Variants in GTF2F2 observed in about 807,000 individuals in gnomAD.
GTF2F2 encodes ATP-dependent helicase GTF2F2.
A neutral mutation model predicts 42.2 loss-of-function variants in GTF2F2; 23 were observed. That is an observed-to-expected ratio of 0.55 (90% CI 0.39 to 0.77). The LOEUF is 0.77. Among genes scored for constraint, GTF2F2 ranks in the 30% least tolerant of loss-of-function variants. The pLI, the probability that GTF2F2 is intolerant of heterozygous loss-of-function variation, is 0.00. For synonymous variants in GTF2F2, 105 were observed against 100.8 expected, an observed-to-expected ratio of 1.04 and a Z score of -0.25; for missense variants, 261 against 287.2, an observed-to-expected ratio of 0.91 and a Z score of 0.66.
chr13:45,210,894 G>A (rs1263940768), intron 5 of GTF2F2, among the ~76,000 whole-genome samples: 1 of 152,220 alleles, frequency 6.6e-6, no homozygotes, highest in Non-Finnish European at 1.5e-5. Flanking sequence ...GAAGCTGGGA[G>A]ATAAGCTTGA....
chr13:45,172,545 GATATA>G (rs1235085574), intron 4 of GTF2F2, among the ~76,000 whole-genome samples: 1 of 151,976 alleles, frequency 6.6e-6, no homozygotes, highest in African/African-American at 2.4e-5. Flanking sequence ...TTTTAATTTT[GATATA>G]ATCTAATGTC....
intron 4 of GTF2F2, 59 bp from the exon 5 acceptor site, chr13:45,207,365 A>G (rs1213249715): frequency 3.1e-5 from 32 of 1,017,924 alleles, no homozygotes; most frequent in Admixed American, 1.9e-5. Flanking sequence ...TAGTGTGTCA[A>G]AATACAGTCT....
At chr13:45,123,251 G>C (rs1314191384) in intron 1 of GTF2F2, 1 of 152,304 alleles carries the variant, frequency 6.6e-6, no homozygotes, top group South Asian at 2.1e-4. Context: ...ATGACCATCC[G>C]GATAGAGGAG....
intron 5 of GTF2F2, among the ~76,000 whole-genome samples, chr13:45,249,924 C>G (rs950146013): frequency 4.6e-5 from 7 of 152,040 alleles, no homozygotes; most frequent in Admixed American, 6.6e-5. Context: ...TTAGCTGTCC[C>G]GACACTTTGT....
At chr13:45,159,976 C>T (rs951116044) in intron 4 of GTF2F2, among the ~76,000 whole-genome samples, 11 of 152,144 alleles carry the variant, frequency 7.2e-5, no homozygotes, top group Non-Finnish European at 1.5e-4. Flanking sequence ...ACATGAATTA[C>T]ACTCTGTTTC....
chr13:45,122,745 T>C (rs1041550908), intron 1 of GTF2F2, among the ~76,000 whole-genome samples: 3 of 152,244 alleles, frequency 2.0e-5, no homozygotes, highest in African/African-American at 7.2e-5. Flanking sequence ...AAGTTTTTTC[T>C]CCTTACATTA....
intron 4 of GTF2F2, among the ~76,000 whole-genome samples, chr13:45,167,880 C>G (rs1871371880): frequency 6.6e-6 from 1 of 152,086 alleles, no homozygotes; most frequent in African/African-American, 2.4e-5. Flanking sequence ...CTAAAAGAAC[C>G]TTTCTTGAGA....
chr13:45,190,805 G>A (rs1872584894), intron 4 of GTF2F2, among the ~76,000 whole-genome samples: 1 of 151,574 alleles, frequency 6.6e-6, no homozygotes, highest in South Asian at 2.1e-4. Flanking sequence ...AGGCTGGAGT[G>A]CAGTGGTGCG....
intron 5 of GTF2F2, among the ~76,000 whole-genome samples, chr13:45,221,927 C>G (rs1874137587): frequency 6.6e-6 from 1 of 152,116 alleles, no homozygotes; most frequent in Admixed American, 6.5e-5. Context: ...ACATATCTTT[C>G]ATCAGATCTT....
intron 4 of GTF2F2, among the ~76,000 whole-genome samples, chr13:45,180,469 TCCTC>T (rs1221025962): frequency 6.6e-6 from 1 of 152,182 alleles, no homozygotes; most frequent in Non-Finnish European, 1.5e-5. Context: ...TAATATATCT[TCCTC>T]AAAGCAAAGT....
At chr13:45,234,392 A>T (rs773236545) in intron 5 of GTF2F2, among the ~76,000 whole-genome samples, 1 of 152,174 alleles carries the variant, frequency 6.6e-6, no homozygotes, top group Non-Finnish European at 1.5e-5. Context: ...ATCATCAACT[A>T]TTTTCACAAG....
chr13:45,136,075 A>C (rs1322811747), intron 1 of GTF2F2, among the ~76,000 whole-genome samples: 1 of 152,254 alleles, frequency 6.6e-6, no homozygotes, highest in South Asian at 2.1e-4. Flanking sequence ...GCCTGGGTTC[A>C]AATCCTGTCT....
chr13:45,255,166 CAAAAAA>C (rs55795620), intron 6 of GTF2F2, among the ~76,000 whole-genome samples: 7 of 76,092 alleles, frequency 9.2e-5, no homozygotes, highest in Non-Finnish European at 8.1e-5. Flanking sequence ...GACTTTGTCT[CAAAAAA>C]AAAAAAAAAA....
intron 4 of GTF2F2, among the ~76,000 whole-genome samples, chr13:45,155,604 T>C (rs1870718551): frequency 6.6e-6 from 1 of 152,220 alleles, no homozygotes; most frequent in Non-Finnish European, 1.5e-5. Context: ...GTTTTCTCAT[T>C]AATTAAAATA....
chr13:45,259,833 A>G (rs1984423), intron 6 of GTF2F2, among the ~76,000 whole-genome samples: 55,094 of 151,464 alleles, frequency 0.36, 13,879 homozygotes, highest in African/African-American at 0.71. Context: ...AATGTGATCC[A>G]CCCATCTCGG....
At chr13:45,237,203 T>G (rs1350760239) in intron 5 of GTF2F2, among the ~76,000 whole-genome samples, 3 of 152,328 alleles carry the variant, frequency 2.0e-5, no homozygotes, top group African/African-American at 7.2e-5. Context: ...AAATTATAAT[T>G]GATTATAATT....
intron 4 of GTF2F2, among the ~76,000 whole-genome samples, chr13:45,180,938 G>A (rs774546467): frequency 4.0e-5 from 6 of 151,396 alleles, no homozygotes; most frequent in Non-Finnish European, 8.8e-5. Context: ...AAAGCAGGAG[G>A]ATCACTTGAG....
intron 4 of GTF2F2, among the ~76,000 whole-genome samples, chr13:45,168,797 TTCCTTCC>T (rs1871429956): frequency 6.8e-6 from 1 of 148,050 alleles, no homozygotes; most frequent in African/African-American, 2.5e-5. Context: ...CCTTCCTTCC[TTCCTTCC>T]TTCCTTCCTT....
rs573700547 is a variant in GTF2F2 at position 45,272,521 on chromosome 13, T to C, written c.630+5145T>C. ...ACTTTGAGAGGCCAAGGTGAGAGGA[T>C]TGCTTGAGCTCAGGAGTTCAAGACC... On this transcript the variant is annotated intron_variant, in intron 7 of 7. Transcript: ENST00000340473. Among the ~76,000 whole-genome samples, 5 of 149,890 alleles carry C rather than the reference T, an allele frequency of 3.3e-5. No homozygotes were observed. The South Asian group carries it at 8.4e-4, about 25-fold the overall frequency.
Sources: allele counts gnomAD v4.1 joint callset (sites outside exome capture counted in the v4.1 genomes callset), GRCh38; gene constraint gnomAD v4.1.1; transcripts MANE v1.5; gene names NCBI Gene and HGNC (gene_info 2026-07-23, HGNC 2026-07-21).